The following SYT4 variants were observed in gnomAD, a reference collection of about 807,000 sequenced individuals.
The protein encoded by SYT4 is synaptotagmin 4, also known as synaptotagmin-4.
In SYT4, 7 loss-of-function variants were observed where a neutral mutation model predicts 32.9. The observed-to-expected ratio is 0.21, with a 90% CI of 0.12 to 0.40. The LOEUF (loss-of-function observed/expected upper bound fraction) is 0.40. SYT4 is among the 10% of genes least tolerant of loss of function. SYT4 has a pLI of 1.00. For synonymous variants in SYT4, 205 were observed against 186.2 expected, an observed-to-expected ratio of 1.10 and a Z score of -0.82; for missense variants, 480 against 488.0, an observed-to-expected ratio of 0.98 and a Z score of 0.16.
chr18:43,277,040 G>T (rs1160045495), intron 1 of SYT4, among the ~76,000 whole-genome samples: 3 of 152,110 alleles, frequency 2.0e-5, no homozygotes, highest in African/African-American at 7.2e-5. Flanking sequence ...CTCCCTAACA[G>T]AAGACAGTTT....
chr18:43,271,721 C>T lies in SYT4; in HGVS notation c.961G>A (p.Gly321Arg), dbSNP rs768842434. ...ARHLPKSDVS[G>R]LSDPYVKVNL... ...TCAGAAGCATTCTTACCTGAAAGTC[C>T]GGACACATCAGATTTAGGCAGATGT... The change falls in exon 3 of 4, where the codon GGA (glycine) becomes AGA (arginine). Residue 321 changes from glycine to arginine, a missense_variant. Gly to Arg is a moderately radical substitution (Grantham distance 125, BLOSUM62 -2). Coordinates refer to ENST00000255224, the MANE Select transcript of SYT4 (RefSeq NM_020783.4). 5 of 1,612,630 alleles carry T rather than the reference C, an allele frequency of 3.1e-6. No homozygotes were observed. The African/African-American group carries it at 5.3e-5, about 17-fold the overall frequency.
rs373100677 is a variant in SYT4, at chr18:43,274,064, G to A, written c.365C>T (p.Thr122Ile). ...PGSPSDLENATPKLFLEGEKE... is the reference protein window; with the variant it reads ...PGSPSDLENAIPKLFLEGEKE... The stretch of plus-strand genomic sequence containing the variant: ...TTCCCCTTCTAAAAAGAGCTTCGGG[G>A]TTGCATTCTCCAGATCAGAAGGACT... The change falls in exon 2 of 4, where the codon ACC becomes ATC. Residue 122 changes from threonine to isoleucine, a missense_variant. Thr to Ile is a moderately conservative substitution (Grantham distance 89). Coordinates refer to ENST00000255224, the MANE Select transcript of SYT4 (RefSeq NM_020783.4). 94 of 1,613,974 alleles carry A rather than the reference G, an allele frequency of 5.8e-5. No homozygotes were observed. The highest frequency in any genetic ancestry group is 1.5e-4 in the Admixed American group (9 of 59,980).
In SYT4 at chr18:43,277,410, G is replaced by A. The variant is rs1044815635; in HGVS notation, c.-129C>T. 9.6e-7 allele frequency: 1 copy of A among 1,041,278 alleles called. No homozygotes were observed. The highest frequency in any genetic ancestry group is 1.5e-6 in the Non-Finnish European group (1 of 689,626). 64.5% of individuals were successfully genotyped at this position (1,041,278 alleles called of 1,614,324 possible). On this transcript the variant is annotated 5_prime_UTR_variant, in exon 1 of 4. Coordinates refer to ENST00000255224, the MANE Select transcript of SYT4 (RefSeq NM_020783.4). ...CGCAGAGCCCAGGGCACCAGCTCCTGGAACAGGGAGGAGGCAAAGAGGGAG... is the reference window on the plus strand; with the variant it reads ...CGCAGAGCCCAGGGCACCAGCTCCTAGAACAGGGAGGAGGCAAAGAGGGAG...
intron 2 of SYT4, 105 bp downstream of exon 2, chr18:43,273,475 A>T: frequency 2.9e-6 from 2 of 683,650 alleles, no homozygotes; most frequent in East Asian, 5.5e-5. Context: ...TAAACATGGT[A>T]AGGATGATAT....
chr18:43,277,167 G>T (rs377525805), intron 1 of SYT4, 81 bp downstream of exon 1: 95 of 1,557,796 alleles, frequency 6.1e-5, no homozygotes, highest in Non-Finnish European at 7.9e-5. Context: ...TTCAACAACC[G>T]GGCAAAAAAT....
chr18:43,272,685 C>A (rs1908666562), intron 2 of SYT4, among the ~76,000 whole-genome samples: 1 of 152,092 alleles, frequency 6.6e-6, no homozygotes, highest in South Asian at 2.1e-4. Context: ...AGTAGGCACT[C>A]TAAGGAGAAT....
At chr18:43,273,556 C>G in intron 2 of SYT4, 24 bp downstream of exon 2, 2 of 1,522,600 alleles carry the variant, frequency 1.3e-6, no homozygotes, top group Non-Finnish European at 1.8e-6. Context: ...TTTATAAATA[C>G]TTTAAGCACT....
intron 3 of SYT4, among the ~76,000 whole-genome samples, 199 bp from the exon 4 acceptor site, chr18:43,270,847 T>G (rs921074536): frequency 6.6e-6 from 1 of 151,072 alleles, no homozygotes; most frequent in African/African-American, 2.4e-5. Flanking sequence ...ATATGGAAAA[T>G]AAGAGAAAAA....
At chr18:43,270,720 C>A in intron 3 of SYT4, 72 bp from the exon 4 acceptor site, 1 of 1,515,166 alleles carries the variant, frequency 6.6e-7, no homozygotes, top group South Asian at 1.2e-5. Context: ...TAACAGTGCC[C>A]TTAGAGATCA....
intron 1 of SYT4, 127 bp from the exon 2 acceptor site, chr18:43,274,521 T>C (rs1908733675): frequency 2.9e-6 from 2 of 697,956 alleles, no homozygotes; most frequent in East Asian, 2.8e-5. Flanking sequence ...CCAACTGTTC[T>C]GGGTATGAGT....
In SYT4 at chr18:43,268,960, A is replaced by G. The variant is rs1463124072; in HGVS notation, c.*1381T>C. 1 of 152,556 alleles carries G rather than the reference A, an allele frequency of 6.6e-6. No homozygotes were observed. Among genetic ancestry groups the G allele is most frequent in the Non-Finnish European group, 1.5e-5 (1 of 68,042 alleles). The allele number at this position is 152,556 out of a possible 1,614,324, so 9.5% of individuals were successfully genotyped here. A position where few individuals can be genotyped will look rare whatever the true frequency, so the allele number is the denominator to read the frequency against. ...TCAGTAGACTTAATTTCTAACTTGCATATTTAATAATTCAACTGTACTCAA... is the reference window on the plus strand; with the variant it reads ...TCAGTAGACTTAATTTCTAACTTGCGTATTTAATAATTCAACTGTACTCAA... On this transcript the variant is annotated 3_prime_UTR_variant, in exon 4 of 4. Coordinates refer to ENST00000255224, the MANE Select transcript of SYT4 (RefSeq NM_020783.4).
chr18:43,276,251 G>A (rs868760645), intron 1 of SYT4, among the ~76,000 whole-genome samples: 7 of 152,180 alleles, frequency 4.6e-5, no homozygotes, highest in South Asian at 2.1e-4. Flanking sequence ...TTTCTATAAC[G>A]TGGAAACACT....
At chr18:43,274,572 C>T (rs1252247583) in intron 1 of SYT4, among the ~76,000 whole-genome samples, 178 bp from the exon 2 acceptor site, 1 of 152,090 alleles carries the variant, frequency 6.6e-6, no homozygotes, top group South Asian at 2.1e-4. Context: ...CAAATACATC[C>T]CCACAGGAAA....
intron 1 of SYT4, among the ~76,000 whole-genome samples, chr18:43,276,220 G>A (rs943145624): frequency 6.6e-6 from 1 of 152,086 alleles, no homozygotes; most frequent in Non-Finnish European, 1.5e-5. Flanking sequence ...CTATTGAATA[G>A]TTATGTCAAA....
In SYT4 at chr18:43,268,552, G is replaced by A. The variant is rs1908527121; in HGVS notation, c.*1789C>T. ...ACATATATTCTGTTCCACGGCCCAT[G>A]ATACCAAATGCACATACATAAAATG... On this transcript the variant is annotated 3_prime_UTR_variant, in exon 4 of 4. Coordinates refer to ENST00000255224, the MANE Select transcript of SYT4 (RefSeq NM_020783.4). 1 of 152,218 alleles carries A rather than the reference G, an allele frequency of 6.6e-6. No homozygotes were observed. Among genetic ancestry groups the A allele is most frequent in the Non-Finnish European group, 1.5e-5 (1 of 68,030 alleles). 9.4% of individuals were successfully genotyped at this position (152,218 alleles called of 1,614,324 possible).
At chr18:43,277,161 A>T in intron 1 of SYT4, 87 bp downstream of exon 1, 1 of 1,551,122 alleles carries the variant, frequency 6.4e-7, no homozygotes, top group Admixed American at 1.8e-5. Context: ...TCTGTATTCA[A>T]CAACCGGGCA....
In SYT4 at chr18:43,269,786, A is replaced by G. The variant is rs773190104; in HGVS notation, c.*555T>C. 2.6e-5 allele frequency: 4 copies of G among 153,874 alleles called. No homozygotes were observed. Among genetic ancestry groups the G allele is most frequent in the Non-Finnish European group, 4.4e-5 (3 of 68,912 alleles). 9.5% of individuals were successfully genotyped at this position (153,874 alleles called of 1,614,324 possible). A position where few individuals can be genotyped will look rare whatever the true frequency, so the allele number is the denominator to read the frequency against. ...GAATCTGAGTTACTCTTATGATAAAATTGCATCAAATAATTACAAACCAAA... is the reference window on the plus strand; with the variant it reads ...GAATCTGAGTTACTCTTATGATAAAGTTGCATCAAATAATTACAAACCAAA... On this transcript the variant is annotated 3_prime_UTR_variant, in exon 4 of 4. Transcript: ENST00000255224.
intron 2 of SYT4, among the ~76,000 whole-genome samples, chr18:43,273,081 A>G (rs1236297402): frequency 1.3e-5 from 2 of 152,148 alleles, no homozygotes; most frequent in Admixed American, 6.5e-5. Flanking sequence ...CAATTTAGAG[A>G]TGAGCATTTA....
At chr18:43,274,709 G>C (rs749005036) in intron 1 of SYT4, among the ~76,000 whole-genome samples, 3 of 152,126 alleles carry the variant, frequency 2.0e-5, no homozygotes, top group Non-Finnish European at 4.4e-5. Context: ...TGTTTTCTCA[G>C]ATAACATGAG....
Sources: gnomAD v4.1 joint callset for allele counts (sites outside exome capture counted in the v4.1 genomes callset) on GRCh38, gnomAD v4.1.1 for gene constraint, MANE v1.5 for transcripts, NCBI Gene and HGNC (gene_info 2026-07-23, HGNC 2026-07-21) for gene names.